The following TCERG1L variants were observed in gnomAD, a reference collection of about 807,000 sequenced individuals.
The protein encoded by TCERG1L is transcription elongation regulator 1-like protein.
Under a neutral mutation model 56.3 loss-of-function variants are expected in TCERG1L, and 37 were observed. That is an observed-to-expected ratio of 0.66 (90% CI 0.51 to 0.87). The LOEUF (loss-of-function observed/expected upper bound fraction) is 0.87, where lower values mean the gene tolerates loss of function less well. TCERG1L is among the 40% of genes least tolerant of loss of function. The pLI is 0.00. For missense variants in TCERG1L, 799 were observed against 774.2 expected (o/e 1.03, Z -0.38); for synonymous variants, 324 against 326.3 (o/e 0.99, Z 0.08).
intron 6 of TCERG1L, among the ~76,000 whole-genome samples, chr10:131,160,038 C>A (rs796755617): frequency 3.3e-5 from 5 of 152,122 alleles, no homozygotes; most frequent in African/African-American, 1.2e-4. Context: ...AAACATGAAA[C>A]GAGAAACGCA....
At chr10:131,098,263 T>C in intron 11 of TCERG1L, 43 bp downstream of exon 11, 1 of 1,540,738 alleles carries the variant, frequency 6.5e-7, no homozygotes. Flanking sequence ...CATTGGTAAG[T>C]TCCCAGCCCC....
intron 8 of TCERG1L, among the ~76,000 whole-genome samples, chr10:131,128,949 C>G (rs1175730649): frequency 6.6e-6 from 1 of 152,118 alleles, no homozygotes; most frequent in South Asian, 2.1e-4. Context: ...ATACAGGGGA[C>G]AGAAGAACAA....
chr10:131,255,876 T>C (rs1195116520), intron 4 of TCERG1L, among the ~76,000 whole-genome samples: 2 of 152,224 alleles, frequency 1.3e-5, no homozygotes, highest in African/African-American at 2.4e-5. Flanking sequence ...TACAACTAAA[T>C]GTAATAATGC....
Position 131,146,733 on chromosome 10 carries a change from C to G in TCERG1L, c.1035-73G>C, listed in dbSNP as rs987118954. ...TTAGAAAGTCGTTAGCATGAACTCT[C>G]ACTGAAAAAGCCCCTCAGGACCGAA... On this transcript the variant is annotated intron_variant, in intron 6 of 11. Transcript: ENST00000368642. The G allele has an allele frequency of 4.6e-5, 67 of 1,471,030 alleles. 1 individual carries two copies. In the African/African-American group the frequency reaches 7.9e-4, roughly 17 times the overall value. The allele number at this position is 1,471,030 out of a possible 1,614,324, so 91.1% of individuals were successfully genotyped here. A position where few individuals can be genotyped will look rare whatever the true frequency, so the allele number is the denominator to read the frequency against.
chr10:131,163,225 A>G lies in TCERG1L; in HGVS notation c.946-15T>C. The G allele has an allele frequency of 1.3e-6, 2 of 1,504,940 alleles. No individual in the cohort carries two copies. Among genetic ancestry groups the G allele is most frequent in the East Asian group, 2.5e-5 (1 of 40,438 alleles). The allele number at this position is 1,504,940 out of a possible 1,614,324, so 93.2% of individuals were successfully genotyped here. A position where few individuals can be genotyped will look rare whatever the true frequency, so the allele number is the denominator to read the frequency against. Reference sequence around the variant, plus strand: ...GGTGGAGGCTCCTTTCAACAGAAAGAGACAGGGGAGTGGCTTTTAATTTTA... The same window carrying G: ...GGTGGAGGCTCCTTTCAACAGAAAGGGACAGGGGAGTGGCTTTTAATTTTA... On this transcript the variant is annotated splice_polypyrimidine_tract_variant and intron_variant, in intron 5 of 11. Transcript: ENST00000368642.
intron 5 of TCERG1L, among the ~76,000 whole-genome samples, chr10:131,165,218 C>A (rs920879193): frequency 2.2e-4 from 33 of 152,078 alleles, no homozygotes; most frequent in African/African-American, 7.2e-4. Flanking sequence ...TTGAGAGATG[C>A]CAGCCCAGAG....
intron 4 of TCERG1L, among the ~76,000 whole-genome samples, chr10:131,204,751 A>G (rs1845498003): frequency 6.6e-6 from 1 of 152,234 alleles, no homozygotes; most frequent in African/African-American, 2.4e-5. Flanking sequence ...AGAGGCCCCG[A>G]TGGCAGTGGA....
chr10:131,241,472 G>C (rs912118659), intron 4 of TCERG1L, among the ~76,000 whole-genome samples: 1 of 152,012 alleles, frequency 6.6e-6, no homozygotes, highest in Non-Finnish European at 1.5e-5. Flanking sequence ...TCGTCCATAC[G>C]CAACATGAAC....
Position 131,306,624 on chromosome 10 carries a change from C to G in TCERG1L, c.670+1587G>C, listed in dbSNP as rs920656308. 3.3e-5 allele frequency among the ~76,000 whole-genome samples: 5 copies of G among 151,934 alleles called. No homozygotes were observed. The East Asian group carries it at 9.7e-4, about 29-fold the overall frequency. The stretch of plus-strand genomic sequence containing the variant: ...CCTGTGTCAAAACATCTCACGTACC[C>G]CACAAATATATACACCTACTATGTA... On this transcript the variant is annotated intron_variant, in intron 3 of 11. Transcript: ENST00000368642.
intron 5 of TCERG1L, among the ~76,000 whole-genome samples, chr10:131,163,629 C>A (rs1846000802): frequency 6.6e-6 from 1 of 152,178 alleles, no homozygotes; most frequent in African/African-American, 2.4e-5. Flanking sequence ...AGCCTCAAAG[C>A]TGGGGCTGCC....
intron 8 of TCERG1L, among the ~76,000 whole-genome samples, chr10:131,129,579 A>G (rs890092295): frequency 1.3e-5 from 2 of 152,128 alleles, no homozygotes; most frequent in Non-Finnish European, 2.9e-5. Context: ...GTTTTTTCAT[A>G]TATTTGTAGA....
chr10:131,199,751 G>C (rs890363498), intron 4 of TCERG1L, among the ~76,000 whole-genome samples: 1 of 152,166 alleles, frequency 6.6e-6, no homozygotes, highest in Admixed American at 6.5e-5. Context: ...ATCACACCCT[G>C]TGTTCAGCAG....
chr10:131,257,813 A>G (rs543229939), intron 4 of TCERG1L, among the ~76,000 whole-genome samples: 13 of 152,338 alleles, frequency 8.5e-5, no homozygotes, highest in Non-Finnish European at 1.6e-4. Flanking sequence ...GGGGACCATT[A>G]AGCTAAACCA....
Position 131,109,377 on chromosome 10 carries a change from C to A in TCERG1L, c.1396-5023G>T, listed in dbSNP as rs192480416. The stretch of plus-strand genomic sequence containing the variant: ...GTCTCAGCACGCCTGTTGTCTGTCC[C>A]CCTGTGGATGACGTGGCCGTGTCTG... On this transcript the variant is annotated intron_variant, in intron 9 of 11. Coordinates refer to ENST00000368642, the MANE Select transcript of TCERG1L (RefSeq NM_174937.4). 3.8e-3 allele frequency among the ~76,000 whole-genome samples: 585 copies of A among 152,304 alleles called. 4 individuals carry two copies. The highest frequency in any genetic ancestry group is 0.013 in the African/African-American group (558 of 41,568).
At position 131,177,742 on chromosome 10, in the gene TCERG1L, G is replaced by T. The variant is rs116007941; in HGVS notation, c.857-10857C>A. On this transcript the variant is annotated intron_variant, in intron 4 of 11. Coordinates refer to ENST00000368642, the MANE Select transcript of TCERG1L (RefSeq NM_174937.4). ...GTCCGGCACAGAGCAGCAGGCTCTG[G>T]GCAGATGTCAGCTAAGGTCACGGCA... 5.6e-3 allele frequency among the ~76,000 whole-genome samples: 850 copies of T among 152,160 alleles called. 5 individuals are homozygous for T. The highest frequency in any genetic ancestry group is 0.019 in the African/African-American group (798 of 41,492).
chr10:131,310,132 G>T (rs984291281), intron 1 of TCERG1L, among the ~76,000 whole-genome samples: 6 of 152,074 alleles, frequency 3.9e-5, no homozygotes, highest in Non-Finnish European at 8.8e-5. Flanking sequence ...ATATTTAAAA[G>T]ATTAATGCTA....
Position 131,154,469 on chromosome 10 carries a change from C to CA in TCERG1L, c.1035-7810_1035-7809insT, listed in dbSNP as rs1564803079. ...AGGAGTGTCCTGGGGATGGACAAAGCCACACACTCCCTGGGGCCGGGCCAC... is the reference window on the plus strand; with the variant it reads ...AGGAGTGTCCTGGGGATGGACAAAGCACACACACTCCCTGGGGCCGGGCCAC... On this transcript the variant is annotated intron_variant, in intron 6 of 11. Coordinates refer to ENST00000368642, the MANE Select transcript of TCERG1L (RefSeq NM_174937.4). 1.5e-4 allele frequency among the ~76,000 whole-genome samples: 23 copies of CA among 152,306 alleles called. No homozygotes were observed. In the East Asian group the frequency reaches 4.3e-3, roughly 28 times the overall value.
intron 4 of TCERG1L, among the ~76,000 whole-genome samples, chr10:131,245,906 G>T (rs886477132): frequency 6.6e-6 from 1 of 152,090 alleles, no homozygotes; most frequent in Non-Finnish European, 1.5e-5. Flanking sequence ...GGGAGTGTAG[G>T]TGGAAAGAGT....
chr10:131,122,575 C>T lies in TCERG1L; in HGVS notation c.1260-5641G>A, dbSNP rs1374607855. Among the ~76,000 whole-genome samples the T allele has an allele frequency of 3.3e-5, 5 of 152,344 alleles. No homozygotes were observed. In the East Asian group the frequency reaches 9.6e-4, roughly 29 times the overall value. On this transcript the variant is annotated intron_variant, in intron 8 of 11. Coordinates refer to ENST00000368642, the MANE Select transcript of TCERG1L (RefSeq NM_174937.4). ...AAATGCAGACGGACAGAGGCTCCTGCCCTTGGGACCTTTCCCAGTCTCACC... is the reference window on the plus strand; with the variant it reads ...AAATGCAGACGGACAGAGGCTCCTGTCCTTGGGACCTTTCCCAGTCTCACC...
Sources: allele counts gnomAD v4.1 joint callset (sites outside exome capture counted in the v4.1 genomes callset), GRCh38; gene constraint gnomAD v4.1.1; transcripts MANE v1.5; gene names NCBI Gene and HGNC (gene_info 2026-07-23, HGNC 2026-07-21).